The following RBFOX1 variants were observed in gnomAD, a reference collection of about 807,000 sequenced individuals.
RBFOX1 encodes RNA binding fox-1 homolog 1.
In RBFOX1, 8 loss-of-function variants were observed where a neutral mutation model predicts 57.7. The observed-to-expected ratio is 0.14, with a 90% CI of 0.08 to 0.25. RBFOX1 has a LOEUF of 0.25. RBFOX1 is among the 10% of genes least tolerant of loss of function. The probability of loss-of-function intolerance (pLI) is 1.00; values close to 1 mark genes in which losing one functional copy is unlikely to be tolerated. For synonymous variants in RBFOX1, 326 were observed against 222.4 expected, an observed-to-expected ratio of 1.47 and a Z score of -4.15; for missense variants, 611 against 548.5, an observed-to-expected ratio of 1.11 and a Z score of -1.14.
chr16:6,193,966 G>A lies in RBFOX1; in HGVS notation c.-126-123029G>A, dbSNP rs181640786. ...CCTCCGCCTCTTGGCTTTCCATTGT[G>A]TTTTCTCATGGGTGACCTAATTCAC... is the stretch of plus-strand genomic sequence containing the variant. On this transcript the variant is annotated intron_variant, in intron 1 of 15. Transcript: ENST00000550418. Among the ~76,000 whole-genome samples, 10 of 152,286 alleles carry A rather than the reference G, an allele frequency of 6.6e-5. No homozygotes were observed. In the East Asian group the frequency reaches 9.7e-4, roughly 15 times the overall value.
At chr16:7,188,397 T>C (rs2084449338) in intron 4 of RBFOX1, among the ~76,000 whole-genome samples, 1 of 152,178 alleles carries the variant, frequency 6.6e-6, no homozygotes, top group African/African-American at 2.4e-5. Flanking sequence ...AAACCTAGAG[T>C]TAAAATTTGC....
In RBFOX1 at chr16:7,676,955, C is replaced by G. The variant is rs963195935; in HGVS notation, c.995+117C>G. ...ATGACTGCTGGGGGAGGTAGCACCCCAAAAGTTAGGTCCCATGGTGAACGT... is the reference window on the plus strand; with the variant it reads ...ATGACTGCTGGGGGAGGTAGCACCCGAAAAGTTAGGTCCCATGGTGAACGT... On this transcript the variant is annotated intron_variant, in intron 14 of 15. Coordinates refer to ENST00000550418, the MANE Select transcript of RBFOX1 (RefSeq NM_018723.4). 8 of 1,021,942 alleles carry G rather than the reference C, an allele frequency of 7.8e-6. No homozygotes were observed. The Middle Eastern group carries it at 6.8e-4, about 87-fold the overall frequency. The allele number at this position is 1,021,942 out of a possible 1,614,324, so 63.3% of individuals were successfully genotyped here. A position where few individuals can be genotyped will look rare whatever the true frequency, so the allele number is the denominator to read the frequency against.
At chr16:6,495,489 G>C (rs183620394) in intron 2 of RBFOX1, among the ~76,000 whole-genome samples, 4 of 152,180 alleles carry the variant, frequency 2.6e-5, no homozygotes, top group African/African-American at 9.6e-5. Context: ...ATAACTTGTG[G>C]GTTGGCTGAG....
chr16:5,756,223 CAAAAAA>C (rs5815266), intron 3 of RBFOX1, among the ~76,000 whole-genome samples: 3 of 50,954 alleles, frequency 5.9e-5, no homozygotes, highest in East Asian at 7.7e-4. Flanking sequence ...TCCACATAAG[CAAAAAA>C]AAAAAAAAAA....
rs183307703 is a variant in RBFOX1 at position 7,067,513 on chromosome 16, C to T, written c.27+15415C>T. 6.4e-4 allele frequency among the ~76,000 whole-genome samples: 97 copies of T among 150,400 alleles called. No individual in the cohort carries two copies. The East Asian group carries it at 0.011, about 18-fold the overall frequency. On this transcript the variant is annotated intron_variant, in intron 4 of 15. Coordinates refer to ENST00000550418, the MANE Select transcript of RBFOX1 (RefSeq NM_018723.4). ...TTCCCTGTAGTTGTAGAACTGAGGTCCCTGTTTTCTTTTTTTGTTTTCTTT... is the reference window on the plus strand; with the variant it reads ...TTCCCTGTAGTTGTAGAACTGAGGTTCCTGTTTTCTTTTTTTGTTTTCTTT...
At chr16:6,527,773 A>G (rs567496682) in intron 2 of RBFOX1, among the ~76,000 whole-genome samples, 123 of 152,140 alleles carry the variant, frequency 8.1e-4, no homozygotes, top group African/African-American at 2.9e-3. Context: ...TGGGCGAGTT[A>G]ATGGTTGCCA....
intron 1 of RBFOX1, among the ~76,000 whole-genome samples, chr16:6,230,294 T>G (rs143575359): frequency 6.6e-6 from 1 of 152,250 alleles, no homozygotes; most frequent in Non-Finnish European, 1.5e-5. Context: ...GTAATTCATG[T>G]GTATTAACTC....
intron 1 of RBFOX1, among the ~76,000 whole-genome samples, chr16:6,086,476 A>T (rs1395553138): frequency 6.9e-6 from 1 of 145,474 alleles, no homozygotes; most frequent in Non-Finnish European, 1.5e-5. Context: ...TTCCTGTGAC[A>T]ACAGCATCCC....
intron 12 of RBFOX1, among the ~76,000 whole-genome samples, chr16:7,662,668 G>T (rs890236359): frequency 6.6e-6 from 1 of 152,210 alleles, no homozygotes; most frequent in Non-Finnish European, 1.5e-5. Flanking sequence ...ATAAGAGTCT[G>T]AAAAATGATG....
At chr16:5,879,413 C>T (rs755580625) in intron 4 of RBFOX1, among the ~76,000 whole-genome samples, 2 of 152,174 alleles carry the variant, frequency 1.3e-5, no homozygotes, top group African/African-American at 4.8e-5. Context: ...GAACTGCAAC[C>T]TCCGCCTCCC....
chr16:6,212,057 C>T (rs2097302031), intron 1 of RBFOX1, among the ~76,000 whole-genome samples: 1 of 151,916 alleles, frequency 6.6e-6, no homozygotes, highest in Non-Finnish European at 1.5e-5. Context: ...GGAGTTTTGC[C>T]ATGTTGGCCA....
chr16:7,198,198 G>T (rs959980952), intron 4 of RBFOX1, among the ~76,000 whole-genome samples: 5 of 151,698 alleles, frequency 3.3e-5, no homozygotes, highest in African/African-American at 9.7e-5. Context: ...GTAGAGACGG[G>T]GTTTCACCGT....
intron 5 of RBFOX1, 59 bp from the exon 6 acceptor site, chr16:7,579,718 A>G (rs2093608929): frequency 1.1e-5 from 17 of 1,601,346 alleles, no homozygotes; most frequent in East Asian, 2.2e-5. Flanking sequence ...GCAAAAGAGC[A>G]TCGGAAGAGA....
chr16:7,577,208 G>A (rs931832489), intron 5 of RBFOX1, among the ~76,000 whole-genome samples: 3 of 152,168 alleles, frequency 2.0e-5, no homozygotes, highest in African/African-American at 7.2e-5. Context: ...TGTGTTACAA[G>A]CTGGTCATAC....
intron 2 of RBFOX1, among the ~76,000 whole-genome samples, chr16:6,494,663 C>G (rs530339560): frequency 6.6e-6 from 1 of 152,188 alleles, no homozygotes; most frequent in Non-Finnish European, 1.5e-5. Flanking sequence ...TTTGCGTGAC[C>G]GTGAGTTTCA....
chr16:7,268,428 G>A (rs2095231846), intron 4 of RBFOX1, among the ~76,000 whole-genome samples: 1 of 152,178 alleles, frequency 6.6e-6, no homozygotes, highest in Non-Finnish European at 1.5e-5. Flanking sequence ...CTTGCTCTCT[G>A]GGAGAAGGAA....
chr16:6,961,847 A>G (rs1453042036), intron 3 of RBFOX1, among the ~76,000 whole-genome samples: 1 of 152,134 alleles, frequency 6.6e-6, no homozygotes, highest in Non-Finnish European at 1.5e-5. Flanking sequence ...ACCAGAAGTC[A>G]CTTTCCTTGC....
chr16:7,624,906 G>T (rs1451476763), intron 10 of RBFOX1, among the ~76,000 whole-genome samples: 1 of 152,200 alleles, frequency 6.6e-6, no homozygotes, highest in African/African-American at 2.4e-5. Context: ...AACACACGTG[G>T]AGTGGTTTTA....
chr16:5,701,443 G>A (rs1016108504), intron 3 of RBFOX1, among the ~76,000 whole-genome samples: 8 of 151,586 alleles, frequency 5.3e-5, no homozygotes, highest in African/African-American at 1.9e-4. Flanking sequence ...AGATCACAGA[G>A]CTCCACCTTC....
Sources: allele counts gnomAD v4.1 joint callset (sites outside exome capture counted in the v4.1 genomes callset), GRCh38; gene constraint gnomAD v4.1.1; transcripts MANE v1.5; gene names NCBI Gene and HGNC (gene_info 2026-07-23, HGNC 2026-07-21).